Variants in TRPM3 observed in about 807,000 individuals in gnomAD.
TRPM3 encodes long transient receptor potential channel 3.
Under a neutral mutation model 181.2 loss-of-function variants are expected in TRPM3, and 77 were observed. That is an observed-to-expected ratio of 0.42 (90% CI 0.35 to 0.51). The LOEUF is 0.51. Among genes scored for constraint, TRPM3 ranks in the 20% least tolerant of loss-of-function variants. TRPM3 has a pLI of 0.01. For missense variants in TRPM3, 1,759 were observed against 2,196.7 expected (o/e 0.80, Z 3.98); for synonymous variants, 745 against 796.4 (o/e 0.94, Z 1.09).
At chr9:70,967,451 T>TAA (rs760562997) in intron 1 of TRPM3, among the ~76,000 whole-genome samples, 10 of 152,088 alleles carry the variant, frequency 6.6e-5, no homozygotes, top group Non-Finnish European at 1.2e-4. Flanking sequence ...CAGTGAGAGA[T>TAA]AAAGTTAGAT....
At chr9:70,927,613 A>G (rs1359797735) in intron 1 of TRPM3, among the ~76,000 whole-genome samples, 2 of 152,092 alleles carry the variant, frequency 1.3e-5, no homozygotes, top group Non-Finnish European at 2.9e-5. Context: ...ATTTGCAAAG[A>G]CTTTCTGAAT....
intron 1 of TRPM3, among the ~76,000 whole-genome samples, chr9:71,314,503 G>A (rs2088351539): frequency 6.6e-6 from 1 of 152,044 alleles, no homozygotes; most frequent in Admixed American, 6.6e-5. Flanking sequence ...ATCCCAAAAA[G>A]CATATGGAAA....
chr9:70,615,051 C>A (rs2062576829), intron 18 of TRPM3, among the ~76,000 whole-genome samples: 1 of 152,162 alleles, frequency 6.6e-6, no homozygotes, highest in East Asian at 1.9e-4. Context: ...TATTGTTTAC[C>A]TGCAGGAGAA....
At chr9:70,769,917 C>T (rs765230411) in intron 7 of TRPM3, among the ~76,000 whole-genome samples, 26 of 152,238 alleles carry the variant, frequency 1.7e-4, no homozygotes, top group South Asian at 2.1e-4. Context: ...GGTGACCAGG[C>T]GGTCTCCCCC....
intron 1 of TRPM3, among the ~76,000 whole-genome samples, chr9:70,895,180 A>G (rs974325843): frequency 8.5e-5 from 13 of 152,198 alleles, no homozygotes; most frequent in African/African-American, 3.1e-4. Context: ...GGTTCTGAAA[A>G]CAGGCAGCGC....
intron 1 of TRPM3, among the ~76,000 whole-genome samples, chr9:71,438,450 A>G (rs2094081712): frequency 6.6e-6 from 1 of 152,106 alleles, no homozygotes; most frequent in Non-Finnish European, 1.5e-5. Context: ...TGGAAGGATC[A>G]CTTGAGCCCA....
rs539299659 is a variant in TRPM3 at position 70,938,912 on chromosome 9, C to T, written c.178-74401G>A. On this transcript the variant is annotated intron_variant, in intron 1 of 25. Coordinates refer to ENST00000677713, the MANE Select transcript of TRPM3 (RefSeq NM_001366145.2). Reference sequence around the variant, plus strand: ...GGCAGAGCTTGCAGTGAGCCAAGATCGCGCCACTGCACTCCAGCCTGGGGG... The same window carrying T: ...GGCAGAGCTTGCAGTGAGCCAAGATTGCGCCACTGCACTCCAGCCTGGGGG... Among the ~76,000 whole-genome samples the T allele has an allele frequency of 9.2e-4, 139 of 151,278 alleles. 1 individual carries two copies. Among genetic ancestry groups the T allele is most frequent in the African/African-American group, 3.2e-3 (133 of 41,152 alleles).
At chr9:71,064,659 G>A (rs775602680) in intron 1 of TRPM3, among the ~76,000 whole-genome samples, 2 of 152,050 alleles carry the variant, frequency 1.3e-5, no homozygotes, top group Non-Finnish European at 2.9e-5. Context: ...AGGAGGAAAA[G>A]CATGTAAAGG....
chr9:71,238,715 A>T (rs1441688602), intron 1 of TRPM3, among the ~76,000 whole-genome samples: 1 of 152,184 alleles, frequency 6.6e-6, no homozygotes, highest in Non-Finnish European at 1.5e-5. Context: ...GGCCATGTGA[A>T]GGTTGTCAAG....
intron 5 of TRPM3, 92 bp from the exon 6 acceptor site, chr9:70,828,110 G>C: frequency 7.8e-7 from 1 of 1,282,978 alleles, no homozygotes; most frequent in East Asian, 2.3e-5. Flanking sequence ...GAGGAAGAAA[G>C]AACATCAGTT....
In TRPM3 at chr9:70,831,402, T is replaced by C. The variant is rs527552575; in HGVS notation, c.802-3384A>G. ...TGTAAAATAGGACTTTTTTTTTTTT[T>C]TTTGGAATTGTGTGTGTGTGTGGTA... On this transcript the variant is annotated intron_variant, in intron 5 of 25. Coordinates refer to ENST00000677713, the MANE Select transcript of TRPM3 (RefSeq NM_001366145.2). Among the ~76,000 whole-genome samples the C allele has an allele frequency of 1.8e-4, 28 of 152,068 alleles. No individual in the cohort carries two copies. The South Asian group carries it at 5.8e-3, about 32-fold the overall frequency.
At chr9:70,823,197 C>T (rs2093323603) in intron 6 of TRPM3, among the ~76,000 whole-genome samples, 1 of 152,148 alleles carries the variant, frequency 6.6e-6, no homozygotes, top group Non-Finnish European at 1.5e-5. Flanking sequence ...ACCTCCACTG[C>T]TGCCATCCTT....
At chr9:70,868,001 A>G (rs2095689860) in intron 1 of TRPM3, among the ~76,000 whole-genome samples, 1 of 152,068 alleles carries the variant, frequency 6.6e-6, no homozygotes, top group African/African-American at 2.4e-5. Context: ...AATAGTTTCG[A>G]TGTGCTGTGT....
At position 71,378,970 on chromosome 9, in the gene TRPM3, C is replaced by T. The variant is rs547964291; in HGVS notation, c.183+67683G>A. 1.8e-4 allele frequency among the ~76,000 whole-genome samples: 28 copies of T among 151,956 alleles called. No homozygotes were observed. The South Asian group carries it at 5.4e-3, about 29-fold the overall frequency. On this transcript the variant is annotated intron_variant, in intron 1 of 24. Coordinates refer to the TRPM3 transcript ENST00000357533. ...ATAGTAAAATTAGAATTGCCATGTG[C>T]TATGGGTTTGAAGATACAAATACTA...
At chr9:71,360,299 C>G (rs374823683) in intron 1 of TRPM3, among the ~76,000 whole-genome samples, 1 of 152,134 alleles carries the variant, frequency 6.6e-6, no homozygotes, top group Non-Finnish European at 1.5e-5. Flanking sequence ...GAACGAGTCT[C>G]TACCATTTTG....
chr9:70,575,338 A>T (rs2053656999), intron 22 of TRPM3, among the ~76,000 whole-genome samples: 1 of 152,076 alleles, frequency 6.6e-6, no homozygotes, highest in Non-Finnish European at 1.5e-5. Flanking sequence ...TATAGGGCTC[A>T]CCCTTACATG....
chr9:70,580,291 C>T (rs747633191), intron 22 of TRPM3, among the ~76,000 whole-genome samples: 144 of 152,236 alleles, frequency 9.5e-4, no homozygotes, highest in African/African-American at 3.1e-3. Flanking sequence ...AGGCGACCTG[C>T]GAATTTCCAA....
chr9:70,603,530 C>T, intron 19 of TRPM3, 60 bp from the exon 20 acceptor site: 1 of 1,599,044 alleles, frequency 6.3e-7, no homozygotes, highest in Non-Finnish European at 8.5e-7. Flanking sequence ...CAGCATCAGC[C>T]AAGGCCACTG....
chr9:70,792,133 C>T (rs921708344), intron 6 of TRPM3, among the ~76,000 whole-genome samples: 5 of 152,156 alleles, frequency 3.3e-5, no homozygotes, highest in Non-Finnish European at 5.9e-5. Flanking sequence ...GCATAGAAGG[C>T]GCAGCCCTGC....
Sources: gnomAD v4.1 joint callset for allele counts (sites outside exome capture counted in the v4.1 genomes callset) on GRCh38, gnomAD v4.1.1 for gene constraint, MANE v1.5 for transcripts, NCBI Gene and HGNC (gene_info 2026-07-23, HGNC 2026-07-21) for gene names.